The following SYT13 variants were observed in gnomAD, a reference collection of about 807,000 sequenced individuals.
The protein encoded by SYT13 is synaptotagmin-13.
A neutral mutation model predicts 38.6 loss-of-function variants in SYT13; 21 were observed. The observed-to-expected ratio is 0.54, with a 90% CI of 0.39 to 0.78. The LOEUF (loss-of-function observed/expected upper bound fraction) is 0.78. Among genes scored for constraint, SYT13 ranks in the 30% least tolerant of loss-of-function variants. SYT13 has a pLI of 0.00. For missense variants in SYT13, 495 were observed against 548.7 expected (o/e 0.90, Z 0.98); for synonymous variants, 241 against 237.6 (o/e 1.01, Z -0.13).
At chr11:45,278,101 T>A (rs566274261) in intron 1 of SYT13, among the ~76,000 whole-genome samples, 1 of 152,196 alleles carries the variant, frequency 6.6e-6, no homozygotes, top group Non-Finnish European at 1.5e-5. Context: ...TTATTTCTTA[T>A]CAAATTAGTT....
At chr11:45,277,688 A>G (rs528491439) in intron 1 of SYT13, among the ~76,000 whole-genome samples, 29 of 152,060 alleles carry the variant, frequency 1.9e-4, no homozygotes, top group African/African-American at 6.8e-4. Flanking sequence ...TGGAGCCCCC[A>G]ACATCCTTCC....
intron 1 of SYT13, among the ~76,000 whole-genome samples, chr11:45,264,810 C>T (rs190775314): frequency 3.3e-5 from 5 of 152,308 alleles, no homozygotes; most frequent in Admixed American, 6.5e-5. Context: ...TACACACCCA[C>T]TAAAATGGCT....
intron 1 of SYT13, among the ~76,000 whole-genome samples, chr11:45,257,459 C>G (rs539396361): frequency 6.6e-6 from 1 of 152,284 alleles, no homozygotes; most frequent in East Asian, 1.9e-4. Context: ...TCCTGGCCCT[C>G]CCATCTCCAT....
intron 1 of SYT13, among the ~76,000 whole-genome samples, chr11:45,267,697 A>G (rs1854902088): frequency 6.6e-6 from 1 of 152,138 alleles, no homozygotes; most frequent in South Asian, 2.1e-4. Context: ...TGCCAGCACC[A>G]GGGTCCTCTA....
chr11:45,286,313 C>T lies in SYT13; in HGVS notation c.-106G>A, dbSNP rs2135915915. On this transcript the variant is annotated 5_prime_UTR_variant, in exon 1 of 6. Coordinates refer to ENST00000020926, the MANE Select transcript of SYT13 (RefSeq NM_020826.3). Reference sequence around the variant, plus strand: ...GATCCGGGCGAGCCAGCAGCTCTCCCGCCGCCAGAGGGGCGGGGACGGAGG... The same window carrying T: ...GATCCGGGCGAGCCAGCAGCTCTCCTGCCGCCAGAGGGGCGGGGACGGAGG... 1 of 1,332,740 alleles carries T rather than the reference C, an allele frequency of 7.5e-7. No individual in the cohort carries two copies. The highest frequency in any genetic ancestry group is 1.5e-5 in the African/African-American group (1 of 64,914). 82.6% of individuals were successfully genotyped at this position (1,332,740 alleles called of 1,614,324 possible). A position where few individuals can be genotyped will look rare whatever the true frequency, so the allele number is the denominator to read the frequency against.
At position 45,252,314 on chromosome 11, in the gene SYT13, G is replaced by A. The variant is rs1854685888; in HGVS notation, c.846+107C>T. The A allele has an allele frequency of 7.5e-7, 1 of 1,326,854 alleles. No homozygotes were observed. The highest frequency in any genetic ancestry group is 1.5e-5 in the African/African-American group (1 of 68,552). The allele number at this position is 1,326,854 out of a possible 1,614,324, so 82.2% of individuals were successfully genotyped here. A position where few individuals can be genotyped will look rare whatever the true frequency, so the allele number is the denominator to read the frequency against. ...TCCCTTCCAGCCCCAAGCCAGGGAGGTCTCTGAGGCTTGTTCCCTAAGACT... is the reference window on the plus strand; with the variant it reads ...TCCCTTCCAGCCCCAAGCCAGGGAGATCTCTGAGGCTTGTTCCCTAAGACT... On this transcript the variant is annotated intron_variant, in intron 4 of 5. Coordinates refer to ENST00000020926, the MANE Select transcript of SYT13 (RefSeq NM_020826.3). The surrounding 1 kb of genome is among the most constrained non-coding windows in gnomAD (Gnocchi z 4.3).
At chr11:45,279,048 T>C (rs1185906837) in intron 1 of SYT13, among the ~76,000 whole-genome samples, 1 of 152,240 alleles carries the variant, frequency 6.6e-6, no homozygotes, top group African/African-American at 2.4e-5. Context: ...TGTGTATTTA[T>C]AGACACTTTT....
intron 3 of SYT13, 99 bp downstream of exon 3, chr11:45,254,171 A>G: frequency 7.2e-7 from 1 of 1,385,980 alleles, no homozygotes; most frequent in Non-Finnish European, 9.7e-7. Flanking sequence ...GTCCTAATCC[A>G]GTGCTCTCTC....
At chr11:45,266,503 T>TACACACACAC (rs68112111) in intron 1 of SYT13, among the ~76,000 whole-genome samples, 11 of 147,382 alleles carry the variant, frequency 7.5e-5, no homozygotes, top group South Asian at 2.2e-4. Context: ...CCCTCTCAAA[T>TACACACACAC]ACACACACAC....
intron 1 of SYT13, among the ~76,000 whole-genome samples, chr11:45,283,474 C>G (rs1241052940): frequency 6.6e-6 from 1 of 152,226 alleles, no homozygotes; most frequent in Non-Finnish European, 1.5e-5. Context: ...TCATCTGTCA[C>G]CGCTAATGGT....
chr11:45,255,719 T>C lies in SYT13; in HGVS notation c.356A>G (p.Asp119Gly). 2 of 1,614,054 alleles carry C rather than the reference T, an allele frequency of 1.2e-6. No homozygotes were observed. Among genetic ancestry groups the C allele is most frequent in the Non-Finnish European group, 1.7e-6 (2 of 1,180,008 alleles). Residue 119 changes from aspartate to glycine, a missense_variant, in exon 2 of 6, where the codon GAC becomes GGC. Asp to Gly is a moderately conservative substitution (Grantham distance 94, BLOSUM62 -1). Coordinates refer to ENST00000020926, the MANE Select transcript of SYT13 (RefSeq NM_020826.3). ...TAPASPQPPN[D>G]SRLKRQVTEE... ...TGTGACCTGCCTCTTGAGGCGACTG[T>C]CATTCGGGGGTTGGGGGCTGGCAGG... is the stretch of plus-strand genomic sequence containing the variant.
At chr11:45,264,801 A>G (rs1269137439) in intron 1 of SYT13, among the ~76,000 whole-genome samples, 5 of 152,240 alleles carry the variant, frequency 3.3e-5, no homozygotes, top group African/African-American at 1.2e-4. Context: ...AGACACCACT[A>G]CACACCCACT....
intron 1 of SYT13, among the ~76,000 whole-genome samples, chr11:45,273,752 G>A (rs1051229435): frequency 6.6e-6 from 1 of 152,226 alleles, no homozygotes; most frequent in East Asian, 1.9e-4. Context: ...CATCCTAGAA[G>A]TGGAATGTTC....
intron 1 of SYT13, among the ~76,000 whole-genome samples, chr11:45,267,637 TC>T (rs745954759): frequency 1.3e-5 from 2 of 151,174 alleles, no homozygotes; most frequent in African/African-American, 4.9e-5. Flanking sequence ...TCCGCTCAGC[TC>T]CCCCCGGCAA....
rs563848482 is a variant in SYT13 at position 45,282,811 on chromosome 11, C to T, written c.183+3214G>A. Among the ~76,000 whole-genome samples, 7 of 152,304 alleles carry T rather than the reference C, an allele frequency of 4.6e-5. No homozygotes were observed. In the East Asian group the frequency reaches 1.3e-3, roughly 29 times the overall value. On this transcript the variant is annotated intron_variant, in intron 1 of 5. Coordinates refer to ENST00000020926, the MANE Select transcript of SYT13 (RefSeq NM_020826.3). ...ATCCAAGACCACAAACCTTTTAATG[C>T]TATCTACAGACCCTTTGGTGGGAGG...
At chr11:45,281,759 A>G (rs759536577) in intron 1 of SYT13, among the ~76,000 whole-genome samples, 3 of 152,212 alleles carry the variant, frequency 2.0e-5, no homozygotes, top group Non-Finnish European at 4.4e-5. Context: ...TCAAAGGTAC[A>G]GCACTGGGGT....
chr11:45,255,907 A>T lies in SYT13; in HGVS notation c.184-16T>A, dbSNP rs1455234909. ...TAACATTGAACTGCAAACACAAATT[A>T]CTCTGATTAGTCCACAAAGGAGCCC... On this transcript the variant is annotated splice_polypyrimidine_tract_variant and intron_variant, in intron 1 of 5. Transcript: ENST00000020926. The T allele has an allele frequency of 6.2e-7, 1 of 1,612,922 alleles. No individual in the cohort carries two copies. Among genetic ancestry groups the T allele is most frequent in the East Asian group, 2.2e-5 (1 of 44,848 alleles).
chr11:45,260,845 G>C (rs987546192), intron 1 of SYT13, among the ~76,000 whole-genome samples: 4 of 152,168 alleles, frequency 2.6e-5, no homozygotes, highest in Non-Finnish European at 5.9e-5. Flanking sequence ...TGTCCAACCA[G>C]CTGTCCATGG....
chr11:45,248,109 C>T (rs980087969), intron 4 of SYT13, among the ~76,000 whole-genome samples: 2 of 152,210 alleles, frequency 1.3e-5, no homozygotes, highest in Admixed American at 6.5e-5. Context: ...TTTTCTAAGC[C>T]TCCATTTCTG....
Sources: gnomAD v4.1 joint callset for allele counts (sites outside exome capture counted in the v4.1 genomes callset) on GRCh38, gnomAD v4.1.1 for gene constraint, Gnocchi (gnomAD v3.1) non-coding constraint, MANE v1.5 for transcripts, NCBI Gene and HGNC (gene_info 2026-07-23, HGNC 2026-07-21) for gene names.